Variants in PDYN observed in about 807,000 individuals in gnomAD.
PDYN encodes proenkephalin-B.
A neutral mutation model predicts 11.4 loss-of-function variants in PDYN; 5 were observed. The observed-to-expected ratio is 0.44, with a 90% confidence interval of 0.23 to 0.92. The LOEUF (loss-of-function observed/expected upper bound fraction) is 0.92, where lower values mean the gene tolerates loss of function less well. PDYN is among the 40% of genes least tolerant of loss of function. PDYN has a pLI of 0.24. For missense variants in PDYN, 337 were observed against 317.3 expected, an observed-to-expected ratio of 1.06 and a Z score of -0.47; for synonymous variants, 132 against 129.5, an observed-to-expected ratio of 1.02 and a Z score of -0.13.
In PDYN at chr20:1,980,551, C is replaced by T; in HGVS notation, c.537G>A (p.Leu179=). The part of the protein sequence containing the change: ...KEQVKRYGGF[L]RKYPKRSSEV... ...CTGAGCTCCTCTTGGGGTATTTGCG[C>T]AAAAAGCCCCCATAGCGTTTGACCT... The change falls in exon 4 of 4, where the codon TTG becomes TTA. Residue 179 remains leucine, a synonymous_variant. Transcript: ENST00000217305. The T allele has an allele frequency of 6.2e-7, 1 of 1,614,100 alleles. No individual in the cohort carries two copies. Among genetic ancestry groups the T allele is most frequent in the Non-Finnish European group, 8.5e-7 (1 of 1,180,020 alleles).
intron 1 of PDYN, among the ~76,000 whole-genome samples, chr20:1,993,052 CTT>C (rs57340342): frequency 0.039 from 4,530 of 115,326 alleles, 163 homozygotes; most frequent in African/African-American, 0.11. Flanking sequence ...AGTCAGCAGG[CTT>C]TTTTTTTTTT....
In PDYN at chr20:1,980,517, C is replaced by A. The variant is rs767807436; in HGVS notation, c.571G>T (p.Gly191Trp). The change falls in exon 4 of 4, where the codon GGG (glycine) becomes TGG (tryptophan). Residue 191 changes from glycine to tryptophan, a missense_variant. Coordinates refer to ENST00000217305, the MANE Select transcript of PDYN (RefSeq NM_024411.5). ...KYPKRSSEVAGEGDGDSMGHE... is the reference protein window; with the variant it reads ...KYPKRSSEVAWEGDGDSMGHE... The stretch of plus-strand genomic sequence containing the variant: ...CCCATGCTATCCCCGTCCCCCTCCC[C>A]AGCCACCTCTGAGCTCCTCTTGGGG... The A allele has an allele frequency of 1.9e-6, 3 of 1,612,930 alleles. No individual in the cohort carries two copies. The highest frequency in any genetic ancestry group is 2.5e-6 in the Non-Finnish European group (3 of 1,179,288).
Position 1,979,998 on chromosome 20 carries a change from T to C in PDYN, c.*325A>G. 2.4e-6 allele frequency: 1 copy of C among 415,406 alleles called. No homozygotes were observed. Among genetic ancestry groups the C allele is most frequent in the East Asian group, 5.3e-5 (1 of 18,744 alleles). The allele number at this position is 415,406 out of a possible 1,614,324, so 25.7% of individuals were successfully genotyped here. On this transcript the variant is annotated 3_prime_UTR_variant, in exon 4 of 4. Coordinates refer to ENST00000217305, the MANE Select transcript of PDYN (RefSeq NM_024411.5). ...AACACATCGCTCTGGTTCCCTGGAA[T>C]TGAGGAGTCACGTGAACAGGTTGGA...
At chr20:1,981,046 A>G in intron 3 of PDYN, 88 bp from the exon 4 acceptor site, 1 of 1,489,754 alleles carries the variant, frequency 6.7e-7, no homozygotes, top group Non-Finnish European at 9.3e-7. Context: ...GTGTCTGAGA[A>G]AACCAAAATG....
At position 1,980,801 on chromosome 20, in the gene PDYN, G is replaced by A; in HGVS notation, c.287C>T (p.Ala96Val). Reference sequence around the variant, plus strand: ...CTTCAGGAATGACCCAGAGAGCTTGGCCAGCTCACTGTAGGGCCCTTCCCC... The same window carrying A: ...CTTCAGGAATGACCCAGAGAGCTTGACCAGCTCACTGTAGGGCCCTTCCCC... The part of the protein sequence containing the change: ...SVGEGPYSEL[A>V]KLSGSFLKEL... The change falls in exon 4 of 4, where the codon GCC becomes GTC. Residue 96 changes from alanine to valine, a missense_variant. Physicochemically the swap from Ala to Val is moderately conservative, Grantham distance 64 (BLOSUM62 0). Transcript: ENST00000217305. 6.2e-7 allele frequency: 1 copy of A among 1,614,176 alleles called. No individual in the cohort carries two copies.
At chr20:1,986,154 C>G (rs1032653245) in intron 2 of PDYN, among the ~76,000 whole-genome samples, 4 of 152,192 alleles carry the variant, frequency 2.6e-5, no homozygotes, top group African/African-American at 9.6e-5. Context: ...TTCACAGAAA[C>G]TCTACAGCAC....
chr20:1,993,863 G>A (rs909999372), intron 1 of PDYN, 48 bp downstream of exon 1: 1 of 152,736 alleles, frequency 6.5e-6, no homozygotes, highest in African/African-American at 2.4e-5. Context: ...CCAGGAATAA[G>A]CAAATAAAAC....
intron 2 of PDYN, among the ~76,000 whole-genome samples, chr20:1,989,307 C>T (rs1021448155): frequency 3.3e-5 from 5 of 152,138 alleles, no homozygotes; most frequent in Non-Finnish European, 5.9e-5. Flanking sequence ...CTGGCAAATA[C>T]TGAGAGGACC....
Position 1,983,078 on chromosome 20 carries a change from A to G in PDYN, c.7T>C (p.Trp3Arg). Residue 3 changes from tryptophan (W) to arginine (R), a missense_variant, in exon 3 of 4, where the codon TGG becomes CGG. Trp to Arg is a moderately radical substitution (Grantham distance 101). Coordinates refer to ENST00000217305, the MANE Select transcript of PDYN (RefSeq NM_024411.5). MA[W>R]QGLVLAACLL... ...CAGGCAGCCAGGACCAGCCCCTGCC[A>G]GGCCATCCTGTCTCAGCAATTCCTG... The G allele has an allele frequency of 6.2e-7, 1 of 1,613,628 alleles. No homozygotes were observed. The highest frequency in any genetic ancestry group is 1.1e-5 in the South Asian group (1 of 91,076).
chr20:1,984,751 T>C (rs1016252804), intron 2 of PDYN, among the ~76,000 whole-genome samples: 1 of 151,874 alleles, frequency 6.6e-6, no homozygotes, highest in Non-Finnish European at 1.5e-5. Context: ...ATACAAAAAT[T>C]AGCTGGGAAG....
rs555671052 is a variant in PDYN at position 1,980,220 on chromosome 20, G to A, written c.*103C>T. 358 of 1,147,184 alleles carry A rather than the reference G, an allele frequency of 3.1e-4. 3 individuals are homozygous for A. Among genetic ancestry groups the A allele is most frequent in the Middle Eastern group, 2.9e-3 (11 of 3,852 alleles). The allele number at this position is 1,147,184 out of a possible 1,614,324, so 71.1% of individuals were successfully genotyped here. On this transcript the variant is annotated 3_prime_UTR_variant, in exon 4 of 4. Coordinates refer to ENST00000217305, the MANE Select transcript of PDYN (RefSeq NM_024411.5). ...TTGGATATTTTGTACACAATGCTGA[G>A]CTGAGCATGGGGAAGGGGCACATAT...
intron 2 of PDYN, among the ~76,000 whole-genome samples, chr20:1,984,742 T>C (rs1168960233): frequency 1.3e-5 from 2 of 151,876 alleles, no homozygotes; most frequent in African/African-American, 2.4e-5. Flanking sequence ...CCATTAAAAA[T>C]ACAAAAATTA....
intron 2 of PDYN, among the ~76,000 whole-genome samples, chr20:1,991,438 G>A (rs1988443277): frequency 1.3e-5 from 2 of 152,174 alleles, no homozygotes; most frequent in South Asian, 2.1e-4. Context: ...CCTGCCAGGA[G>A]CATCAGTCTG....
In PDYN at chr20:1,980,561, C is replaced by T. The variant is rs1472967766; in HGVS notation, c.527G>A (p.Gly176Glu). The change falls in exon 4 of 4, where the codon GGG (glycine) becomes GAG (glutamate). Residue 176 changes from glycine (G) to glutamate (E), a missense_variant. Physicochemically the swap from Gly to Glu is moderately conservative, Grantham distance 98. Coordinates refer to ENST00000217305, the MANE Select transcript of PDYN (RefSeq NM_024411.5). Reference protein sequence around the residue: ...EDPKEQVKRYGGFLRKYPKRS... With the variant: ...EDPKEQVKRYEGFLRKYPKRS... ...CTTGGGGTATTTGCGCAAAAAGCCC[C>T]CATAGCGTTTGACCTGCTCCTTGGG... 3.1e-6 allele frequency: 5 copies of T among 1,614,114 alleles called. No homozygotes were observed. The highest frequency in any genetic ancestry group is 3.4e-6 in the Non-Finnish European group (4 of 1,180,040).
chr20:1,988,249 C>A (rs1285467642), intron 2 of PDYN, among the ~76,000 whole-genome samples: 1 of 152,160 alleles, frequency 6.6e-6, no homozygotes, highest in East Asian at 1.9e-4. Flanking sequence ...ACTTGCTCAT[C>A]CAAGTTCACC....
At position 1,980,131 on chromosome 20, in the gene PDYN, C is replaced by A; in HGVS notation, c.*192G>T. 1 of 679,680 alleles carries A rather than the reference C, an allele frequency of 1.5e-6. No homozygotes were observed. 42.1% of individuals were successfully genotyped at this position (679,680 alleles called of 1,614,324 possible). On this transcript the variant is annotated 3_prime_UTR_variant, in exon 4 of 4. Coordinates refer to ENST00000217305, the MANE Select transcript of PDYN (RefSeq NM_024411.5). ...GCCTATTGTGGGGAAGGGACATCCA[C>A]CCTTCCCCATCACAGACCCCAGAGA...
Position 1,983,089 on chromosome 20 carries a change from T to C in PDYN, c.-5A>G, listed in dbSNP as rs1987939169. The C allele has an allele frequency of 6.2e-7, 1 of 1,613,210 alleles. No individual in the cohort carries two copies. Among genetic ancestry groups the C allele is most frequent in the Non-Finnish European group, 8.5e-7 (1 of 1,179,786 alleles). On this transcript the variant is annotated 5_prime_UTR_variant, in exon 3 of 4. Transcript: ENST00000217305. Reference sequence around the variant, plus strand: ...GACCAGCCCCTGCCAGGCCATCCTGTCTCAGCAATTCCTGCTGGGGAGGAA... The same window carrying C: ...GACCAGCCCCTGCCAGGCCATCCTGCCTCAGCAATTCCTGCTGGGGAGGAA...
At chr20:1,988,731 C>T (rs139797916) in intron 2 of PDYN, among the ~76,000 whole-genome samples, 1 of 152,278 alleles carries the variant, frequency 6.6e-6, no homozygotes, top group South Asian at 2.1e-4. Context: ...GCTGCTACCT[C>T]GGGTGCTTTG....
chr20:1,986,740 T>C (rs1169532512), intron 2 of PDYN, among the ~76,000 whole-genome samples: 3 of 152,226 alleles, frequency 2.0e-5, no homozygotes, highest in African/African-American at 7.2e-5. Context: ...CCCAGACAGA[T>C]TGGATGTGAG....
Sources: allele counts gnomAD v4.1 joint callset (sites outside exome capture counted in the v4.1 genomes callset), GRCh38; gene constraint gnomAD v4.1.1; transcripts MANE v1.5; gene names NCBI Gene and HGNC (gene_info 2026-07-23, HGNC 2026-07-21).